Variants in PTPRD observed in about 807,000 individuals in gnomAD.
The protein encoded by PTPRD is protein tyrosine phosphatase receptor type D.
Under a neutral mutation model 214.5 loss-of-function variants are expected in PTPRD, and 34 were observed. That is an observed-to-expected ratio of 0.16 (90% CI 0.12 to 0.21). The LOEUF is 0.21. PTPRD is among the 10% of genes least tolerant of loss of function. The pLI is 1.00. For synonymous variants in PTPRD, 1,128 were observed against 845.7 expected, an observed-to-expected ratio of 1.33 and a Z score of -5.79; for missense variants, 2,545 against 2,398.7, an observed-to-expected ratio of 1.06 and a Z score of -1.27.
chr9:8,489,202 T>A (rs1036353506), intron 27 of PTPRD, among the ~76,000 whole-genome samples: 1 of 152,188 alleles, frequency 6.6e-6, no homozygotes, highest in East Asian at 1.9e-4. Flanking sequence ...ACTTTGTAGA[T>A]GTATACATTT....
At chr9:10,004,722 A>G (rs1320579837) in intron 4 of PTPRD, among the ~76,000 whole-genome samples, 1 of 152,114 alleles carries the variant, frequency 6.6e-6, no homozygotes, top group Non-Finnish European at 1.5e-5. Context: ...TTTTATAAAC[A>G]CCAAACTTTA....
chr9:9,963,737 G>A (rs949321550), intron 4 of PTPRD, among the ~76,000 whole-genome samples: 7 of 152,068 alleles, frequency 4.6e-5, no homozygotes, highest in African/African-American at 1.7e-4. Context: ...TCAACTAAAA[G>A]CTTTAGAGGT....
intron 2 of PTPRD, among the ~76,000 whole-genome samples, chr9:10,498,282 G>A (rs1350004758): frequency 1.3e-5 from 2 of 151,758 alleles, no homozygotes; most frequent in African/African-American, 4.8e-5. Context: ...GGGCCTAGAA[G>A]GTGAACAAAA....
At chr9:9,230,252 T>C (rs1166282518) in intron 9 of PTPRD, among the ~76,000 whole-genome samples, 3 of 152,078 alleles carry the variant, frequency 2.0e-5, no homozygotes, top group Non-Finnish European at 4.4e-5. Flanking sequence ...AGAATGATTC[T>C]AAAGAGGAGG....
chr9:9,617,793 C>T (rs1035974864), intron 7 of PTPRD, among the ~76,000 whole-genome samples: 3 of 151,692 alleles, frequency 2.0e-5, no homozygotes, highest in African/African-American at 4.8e-5. Context: ...TGATTTTGGG[C>T]CCGGCGCGGT....
intron 5 of PTPRD, among the ~76,000 whole-genome samples, chr9:9,840,966 G>A (rs1168099356): frequency 6.6e-6 from 1 of 151,928 alleles, no homozygotes; most frequent in African/African-American, 2.4e-5. Flanking sequence ...TGTGAGTGAT[G>A]GTGAATAAAG....
intron 2 of PTPRD, among the ~76,000 whole-genome samples, chr9:10,518,823 C>A (rs187240259): frequency 6.6e-6 from 1 of 151,746 alleles, no homozygotes; most frequent in Non-Finnish European, 1.5e-5. Context: ...TGAGCCACCG[C>A]GCTCAGCCTT....
intron 5 of PTPRD, among the ~76,000 whole-genome samples, chr9:9,866,318 T>C (rs1453429241): frequency 6.6e-6 from 1 of 152,188 alleles, no homozygotes; most frequent in Non-Finnish European, 1.5e-5. Flanking sequence ...ATAACACTTA[T>C]TACAGTGTTA....
At chr9:9,267,608 G>T (rs1257813066) in intron 9 of PTPRD, among the ~76,000 whole-genome samples, 1 of 151,126 alleles carries the variant, frequency 6.6e-6, no homozygotes. Flanking sequence ...TATCCCTGGT[G>T]AGCATAGATA....
At chr9:10,247,517 ATACTT>A (rs2092293112) in intron 3 of PTPRD, among the ~76,000 whole-genome samples, 1 of 152,158 alleles carries the variant, frequency 6.6e-6, no homozygotes, top group South Asian at 2.1e-4. Context: ...TATTCTCTAA[ATACTT>A]TATGATCCAA....
At chr9:9,859,544 A>T (rs2062250196) in intron 5 of PTPRD, among the ~76,000 whole-genome samples, 1 of 152,240 alleles carries the variant, frequency 6.6e-6, no homozygotes, top group Non-Finnish European at 1.5e-5. Context: ...AATGATTTAG[A>T]TTCCCACATA....
At chr9:9,909,233 G>A (rs2078479094) in intron 5 of PTPRD, among the ~76,000 whole-genome samples, 1 of 151,178 alleles carries the variant, frequency 6.6e-6, no homozygotes, top group African/African-American at 2.4e-5. Flanking sequence ...TGCTTAGAGT[G>A]TATTTTTCTT....
chr9:9,834,376 G>T (rs2056079546), intron 5 of PTPRD, among the ~76,000 whole-genome samples: 1 of 152,044 alleles, frequency 6.6e-6, no homozygotes, highest in East Asian at 1.9e-4. Context: ...TAGTGGCTCT[G>T]ATTGACATTA....
chr9:8,810,917 G>C (rs1272177545), intron 11 of PTPRD, among the ~76,000 whole-genome samples: 1 of 152,154 alleles, frequency 6.6e-6, no homozygotes, highest in Admixed American at 6.5e-5. Context: ...TTGGCTATGA[G>C]TTCGTCCTAG....
In PTPRD at chr9:9,826,397, TA is replaced by T. The variant is rs1047188194; in HGVS notation, c.-367-59547del. On this transcript the variant is annotated intron_variant, in intron 5 of 45. Coordinates refer to ENST00000381196, the MANE Select transcript of PTPRD (RefSeq NM_002839.4). ...TTTTACTGGTTGCCTTTCAATTATTTAAAAAAAATACAATTTTGAAGTATTT... is the reference window on the plus strand; with the variant it reads ...TTTTACTGGTTGCCTTTCAATTATTTAAAAAAATACAATTTTGAAGTATTT... 1.8e-4 allele frequency among the ~76,000 whole-genome samples: 28 copies of T among 151,904 alleles called. 1 individual carries two copies. Among genetic ancestry groups the T allele is most frequent in the African/African-American group, 6.0e-4 (25 of 41,490 alleles).
intron 2 of PTPRD, among the ~76,000 whole-genome samples, chr9:10,491,548 GAAATGGTTA>G (rs2132699474): frequency 6.6e-6 from 1 of 151,836 alleles, no homozygotes; most frequent in African/African-American, 2.4e-5. Context: ...AAAACCCATT[GAAATGGTTA>G]AAATTATAAA....
At chr9:9,877,865 T>C (rs1426706507) in intron 5 of PTPRD, among the ~76,000 whole-genome samples, 1 of 146,754 alleles carries the variant, frequency 6.8e-6, no homozygotes, top group African/African-American at 2.6e-5. Flanking sequence ...CCTGGCTACT[T>C]GGGAGGCTGA....
In PTPRD at chr9:10,398,621, T is replaced by G. The variant is rs568068969; in HGVS notation, c.-599-57604A>C. On this transcript the variant is annotated intron_variant, in intron 2 of 45. Coordinates refer to ENST00000381196, the MANE Select transcript of PTPRD (RefSeq NM_002839.4). ...TGAAAAACATTTTCTTCCATAATGCTTCTTATAATTCAGTGTAAAAATATA... is the reference window on the plus strand; with the variant it reads ...TGAAAAACATTTTCTTCCATAATGCGTCTTATAATTCAGTGTAAAAATATA... 5.9e-5 allele frequency among the ~76,000 whole-genome samples: 9 copies of G among 152,118 alleles called. No homozygotes were observed. The East Asian group carries it at 1.8e-3, about 30-fold the overall frequency.
chr9:8,594,494 C>T (rs1266479199), intron 14 of PTPRD, among the ~76,000 whole-genome samples: 4 of 152,216 alleles, frequency 2.6e-5, no homozygotes, highest in East Asian at 3.9e-4. Flanking sequence ...TCATTTGATA[C>T]GGTTTGGCTG....
Sources: gnomAD v4.1 joint callset for allele counts (sites outside exome capture counted in the v4.1 genomes callset) on GRCh38, gnomAD v4.1.1 for gene constraint, MANE v1.5 for transcripts, NCBI Gene and HGNC (gene_info 2026-07-23, HGNC 2026-07-21) for gene names.